The following SPINK1 variants were observed in gnomAD, a reference collection of about 807,000 sequenced individuals.
SPINK1 encodes serine protease inhibitor Kazal-type 1.
SPINK1 carries 5 observed loss-of-function variants against 9.5 expected under a neutral mutation model. The observed-to-expected ratio is 0.52, with a 90% confidence interval of 0.27 to 1.10. SPINK1 has a LOEUF of 1.10. SPINK1 is among the 50% of genes least tolerant of loss of function. The pLI is 0.11. For missense variants in SPINK1, 88 were observed against 92.7 expected, an observed-to-expected ratio of 0.95 and a Z score of 0.21; for synonymous variants, 37 against 32.3, an observed-to-expected ratio of 1.14 and a Z score of -0.49.
chr5:147,837,649 T>TTTTTCTTTC, the SPINK1 span, among the ~76,000 whole-genome samples: 1 of 107,032 alleles, frequency 9.3e-6, no homozygotes, highest in African/African-American at 3.7e-5. Flanking sequence ...CATTAACTTC[T>TTTTTCTTTC]TTTCTTTCTT....
At chr5:147,836,439 T>G (rs1201307508), upstream of SPINK1, among the ~76,000 whole-genome samples, 1 of 152,072 alleles carries the variant, frequency 6.6e-6, no homozygotes, top group Non-Finnish European at 1.5e-5. Flanking sequence ...ATGTAAACCC[T>G]GCACTTAAGC....
At chr5:147,830,658 G>A (rs1756492389) in intron 1 of SPINK1, among the ~76,000 whole-genome samples, 1 of 152,132 alleles carries the variant, frequency 6.6e-6, no homozygotes, top group Non-Finnish European at 1.5e-5. Flanking sequence ...GAGGGGGAAA[G>A]GGAACACTGA....
At chr5:147,836,593 G>A (rs1408430918), upstream of SPINK1, among the ~76,000 whole-genome samples, 1 of 152,066 alleles carries the variant, frequency 6.6e-6, no homozygotes, top group African/African-American at 2.4e-5. Flanking sequence ...TAATATGTGC[G>A]AAATCCATGC....
At chr5:147,837,315 C>G in the SPINK1 span, among the ~76,000 whole-genome samples, 1 of 151,990 alleles carries the variant, frequency 6.6e-6, no homozygotes, top group Non-Finnish European at 1.5e-5. Flanking sequence ...CAAAATGAAA[C>G]AAAAGAAAAA....
intron 1 of SPINK1, among the ~76,000 whole-genome samples, chr5:147,830,835 G>A (rs532027288): frequency 2.0e-5 from 3 of 152,256 alleles, no homozygotes; most frequent in African/African-American, 7.2e-5. Context: ...TGCGGGTTCA[G>A]AGTTGTCTGT....
the SPINK1 span, among the ~76,000 whole-genome samples, chr5:147,837,661 C>CTTTCTTTCTTTCTTTCTT: frequency 9.1e-6 from 1 of 110,018 alleles, no homozygotes; most frequent in Non-Finnish European, 1.9e-5. Context: ...TTCTTTCTTT[C>CTTTCTTTCTTTCTTTCTT]TTTCTTTCTT....
chr5:147,829,498 T>C (rs1190279790), intron 2 of SPINK1, 101 bp downstream of exon 2: 2 of 1,147,640 alleles, frequency 1.7e-6, no homozygotes, highest in Non-Finnish European at 1.3e-6. Context: ...TTCATACTCC[T>C]CTTAACTTCA....
At chr5:147,834,460 T>C (rs1328543207), upstream of SPINK1, among the ~76,000 whole-genome samples, 1 of 152,138 alleles carries the variant, frequency 6.6e-6, no homozygotes, top group African/African-American at 2.4e-5. Flanking sequence ...TCTGCCCTCA[T>C]GGAGTTTAGT....
upstream of SPINK1, among the ~76,000 whole-genome samples, chr5:147,834,334 ATTCATTGG>A (rs1318314980): frequency 1.3e-5 from 2 of 152,158 alleles, no homozygotes; most frequent in Non-Finnish European, 2.9e-5. Flanking sequence ...TTGAGTAGCC[ATTCATTGG>A]TTCACCATTC....
At chr5:147,825,138 G>T (rs1756377525) in intron 3 of SPINK1, among the ~76,000 whole-genome samples, 1 of 152,092 alleles carries the variant, frequency 6.6e-6, no homozygotes, top group South Asian at 2.1e-4. Context: ...GTATCTGTGA[G>T]GTCTCACAAA....
chr5:147,829,668 T>G, intron 1 of SPINK1, 38 bp from the exon 2 acceptor site: 1 of 1,588,304 alleles, frequency 6.3e-7, no homozygotes, highest in Non-Finnish European at 8.6e-7. Flanking sequence ...GGGTCCTAAA[T>G]GAAAGAAGTC....
upstream of SPINK1, among the ~76,000 whole-genome samples, chr5:147,833,486 C>G (rs1442507369): frequency 1.3e-5 from 2 of 152,130 alleles, no homozygotes; most frequent in Non-Finnish European, 2.9e-5. Context: ...GTAGATCACT[C>G]AAGCCCAAAC....
Position 147,824,635 on chromosome 5 carries a change from C to T in SPINK1, c.*26G>A. The T allele has an allele frequency of 6.2e-7, 1 of 1,613,032 alleles. No individual in the cohort carries two copies. Among genetic ancestry groups the T allele is most frequent in the Non-Finnish European group, 8.5e-7 (1 of 1,179,154 alleles). On this transcript the variant is annotated 3_prime_UTR_variant, in exon 4 of 4. Transcript: ENST00000296695. ...AAGGCCAGTCAGGCCTCGCGGTGAC[C>T]TGATGGGATTTCAAAACCTTGGTTC...
At chr5:147,837,649 T>TTTTTC in the SPINK1 span, among the ~76,000 whole-genome samples, 2 of 107,032 alleles carry the variant, frequency 1.9e-5, no homozygotes, top group South Asian at 3.1e-4. Flanking sequence ...CATTAACTTC[T>TTTTTC]TTTCTTTCTT....
upstream of SPINK1, among the ~76,000 whole-genome samples, chr5:147,834,762 C>CT (rs556321526): frequency 6.3e-4 from 96 of 152,186 alleles, no homozygotes; most frequent in Admixed American, 1.2e-3. Flanking sequence ...AAAGCCTGGA[C>CT]TTTTTTCACC....
upstream of SPINK1, among the ~76,000 whole-genome samples, chr5:147,834,846 A>G (rs777439795): frequency 6.6e-6 from 1 of 152,146 alleles, no homozygotes; most frequent in Non-Finnish European, 1.5e-5. Context: ...CATATGCATT[A>G]TATGTAGATA....
chr5:147,825,167 T>C, intron 3 of SPINK1, among the ~76,000 whole-genome samples: 1 of 152,176 alleles, frequency 6.6e-6, no homozygotes, highest in Non-Finnish European at 1.5e-5. Context: ...ACATATTTAT[T>C]CCACATGATT....
chr5:147,827,366 C>T (rs375418553), intron 3 of SPINK1: 1 of 152,344 alleles, frequency 6.6e-6, no homozygotes, highest in Non-Finnish European at 1.5e-5. Context: ...TTTCTTGGCC[C>T]CTTTTAATAA....
At chr5:147,831,753 G>A, upstream of SPINK1, 1 of 1,456,330 alleles carries the variant, frequency 6.9e-7, no homozygotes, top group Non-Finnish European at 9.0e-7. Flanking sequence ...TGGCCTCCAG[G>A]TTCTGGGAAT....
Sources: allele counts gnomAD v4.1 joint callset (sites outside exome capture counted in the v4.1 genomes callset), GRCh38; gene constraint gnomAD v4.1.1; transcripts MANE v1.5; gene names NCBI Gene and HGNC (gene_info 2026-07-23, HGNC 2026-07-21).